FHIT: variants seen among roughly 807,000 people sequenced by gnomAD.
FHIT encodes the protein bis(5'-adenosyl)-triphosphatase.
FHIT carries 19 observed loss-of-function variants against 17.9 expected under a neutral mutation model. The ratio of observed to expected loss-of-function variants is 1.06; its 90% CI spans 0.74 to 1.56. The LOEUF is 1.56. FHIT is among the 40% of genes most tolerant of loss of function. FHIT has a pLI of 0.00. For synonymous variants in FHIT, 81 were observed against 69.7 expected, an observed-to-expected ratio of 1.16 and a Z score of -0.81; for missense variants, 248 against 189.2, an observed-to-expected ratio of 1.31 and a Z score of -1.82.
chr3:61,119,495 C>T (rs556106686), intron 2 of FHIT, among the ~76,000 whole-genome samples: 21 of 152,046 alleles, frequency 1.4e-4, no homozygotes, highest in African/African-American at 4.6e-4. Context: ...ATTACAGGCA[C>T]AAGCCACCGT....
chr3:61,065,233 T>C (rs1467562166), intron 2 of FHIT, among the ~76,000 whole-genome samples: 1 of 151,646 alleles, frequency 6.6e-6, no homozygotes, highest in Non-Finnish European at 1.5e-5. Context: ...ACTTTAATAA[T>C]GTCTCAAGGG....
intron 8 of FHIT, among the ~76,000 whole-genome samples, chr3:59,842,576 C>T (rs1701572869): frequency 6.6e-6 from 1 of 152,190 alleles, no homozygotes; most frequent in Non-Finnish European, 1.5e-5. Flanking sequence ...TTTGCCAACA[C>T]TTCACTCTTT....
At chr3:60,371,804 T>C (rs753914966) in intron 5 of FHIT, among the ~76,000 whole-genome samples, 1 of 151,446 alleles carries the variant, frequency 6.6e-6, no homozygotes, top group Admixed American at 6.6e-5. Context: ...TGATTGATTA[T>C]TTGAGAAGTT....
chr3:60,809,435 T>C (rs1167943288), intron 4 of FHIT, among the ~76,000 whole-genome samples: 1 of 152,202 alleles, frequency 6.6e-6, no homozygotes. Context: ...GATGCTATTA[T>C]AACCATGCAT....
chr3:60,976,367 A>G (rs889163694), intron 3 of FHIT, among the ~76,000 whole-genome samples: 2 of 152,056 alleles, frequency 1.3e-5, no homozygotes, highest in Non-Finnish European at 2.9e-5. Context: ...TCGGCCTCCC[A>G]AAGTGCTCAG....
intron 5 of FHIT, among the ~76,000 whole-genome samples, chr3:60,021,892 A>G (rs1047409330): frequency 3.9e-5 from 6 of 152,036 alleles, no homozygotes; most frequent in East Asian, 1.9e-4. Context: ...CATTATACAG[A>G]AAAAAAACTG....
intron 5 of FHIT, among the ~76,000 whole-genome samples, chr3:60,238,881 T>C (rs1576353841): frequency 6.6e-6 from 1 of 152,304 alleles, no homozygotes; most frequent in East Asian, 1.9e-4. Flanking sequence ...ACAAATGCAT[T>C]AGGAATGGAG....
chr3:60,834,256 C>T (rs1702441220), intron 3 of FHIT, among the ~76,000 whole-genome samples: 1 of 152,218 alleles, frequency 6.6e-6, no homozygotes, highest in Non-Finnish European at 1.5e-5. Flanking sequence ...TCTGCATCCT[C>T]ACCAGAATTT....
intron 8 of FHIT, among the ~76,000 whole-genome samples, chr3:59,773,792 T>C (rs903415849): frequency 6.6e-6 from 1 of 152,082 alleles, no homozygotes; most frequent in African/African-American, 2.4e-5. Flanking sequence ...CTCAATACTT[T>C]AAAGCTGCCT....
chr3:60,553,109 ATAAT>A (rs1450483463), intron 4 of FHIT, among the ~76,000 whole-genome samples: 1 of 152,204 alleles, frequency 6.6e-6, no homozygotes, highest in Non-Finnish European at 1.5e-5. Context: ...GAATGGGTAA[ATAAT>A]TATCTTGCTT....
chr3:59,835,987 G>C (rs559769087), intron 8 of FHIT, among the ~76,000 whole-genome samples: 2 of 152,278 alleles, frequency 1.3e-5, no homozygotes, highest in African/African-American at 4.8e-5. Flanking sequence ...AGGAAGTCCT[G>C]TTGGGATGGG....
At chr3:60,308,490 G>C (rs1161977008) in intron 5 of FHIT, among the ~76,000 whole-genome samples, 1 of 74,992 alleles carries the variant, frequency 1.3e-5, no homozygotes, top group African/African-American at 5.8e-5. Context: ...AGGTATAGGT[G>C]TATGTGTATA....
intron 5 of FHIT, among the ~76,000 whole-genome samples, chr3:60,335,019 T>G (rs537431831): frequency 6.6e-6 from 1 of 152,278 alleles, no homozygotes; most frequent in African/African-American, 2.4e-5. Context: ...TTGCTTTAAA[T>G]GGACAAAATT....
intron 4 of FHIT, among the ~76,000 whole-genome samples, chr3:60,607,619 C>T (rs1404713376): frequency 6.6e-6 from 1 of 152,022 alleles, no homozygotes; most frequent in African/African-American, 2.4e-5. Flanking sequence ...TCCCACACCA[C>T]ATGCGTGATA....
At chr3:61,243,731 T>C (rs2040423802) in intron 1 of FHIT, among the ~76,000 whole-genome samples, 1 of 152,004 alleles carries the variant, frequency 6.6e-6, no homozygotes, top group Admixed American at 6.6e-5. Flanking sequence ...CCCCCAGCTA[T>C]GAGGAATGAG....
At chr3:60,221,395 C>T (rs1251354603) in intron 5 of FHIT, among the ~76,000 whole-genome samples, 3 of 152,120 alleles carry the variant, frequency 2.0e-5, no homozygotes, top group Non-Finnish European at 2.9e-5. Flanking sequence ...TAAGCTACTA[C>T]AAGGGTTCCC....
At chr3:60,248,368 G>T (rs755959178) in intron 5 of FHIT, among the ~76,000 whole-genome samples, 11 of 152,118 alleles carry the variant, frequency 7.2e-5, no homozygotes, top group Non-Finnish European at 4.4e-5. Flanking sequence ...GAAATAAGAA[G>T]CATTTACCTT....
chr3:60,878,558 G>C (rs1467958024), intron 3 of FHIT, among the ~76,000 whole-genome samples: 1 of 142,980 alleles, frequency 7.0e-6, no homozygotes. Context: ...TATTACATAT[G>C]TATACATGTG....
chr3:60,068,286 T>C (rs1053081333), intron 5 of FHIT, among the ~76,000 whole-genome samples: 2 of 152,084 alleles, frequency 1.3e-5, no homozygotes, highest in South Asian at 2.1e-4. Context: ...CAGGTCCCAA[T>C]GTCTATTTCC....
Sources: allele counts gnomAD v4.1 joint callset (sites outside exome capture counted in the v4.1 genomes callset), GRCh38; gene constraint gnomAD v4.1.1; transcripts MANE v1.5; gene names NCBI Gene and HGNC (gene_info 2026-07-23, HGNC 2026-07-21).